The following HHIP variants were observed in gnomAD, a reference collection of about 807,000 sequenced individuals.
HHIP encodes the protein hedgehog interacting protein.
HHIP carries 12 observed loss-of-function variants against 74.0 expected under a neutral mutation model. That is an observed-to-expected ratio of 0.16 (90% CI 0.10 to 0.26). The LOEUF (loss-of-function observed/expected upper bound fraction) is 0.26. Among genes scored for constraint, HHIP ranks in the 10% least tolerant of loss-of-function variants. HHIP has a pLI of 1.00. For synonymous variants in HHIP, 309 were observed against 311.6 expected (o/e 0.99, Z 0.09); for missense variants, 788 against 845.0 (o/e 0.93, Z 0.84).
intron 4 of HHIP, among the ~76,000 whole-genome samples, chr4:144,676,741 C>A (rs2126614664): frequency 6.6e-6 from 1 of 152,130 alleles, no homozygotes; most frequent in Non-Finnish European, 1.5e-5. Context: ...GGAAAAGCAA[C>A]AAGGATATGA....
intron 1 of HHIP, chr4:144,650,719 G>A (rs1578673718): frequency 6.6e-6 from 1 of 152,056 alleles, no homozygotes; most frequent in East Asian, 1.9e-4. Context: ...GGCCGGAACA[G>A]CATGAAACTT....
chr4:144,736,910 T>G (rs754722581), intron 12 of HHIP, among the ~76,000 whole-genome samples: 9 of 152,200 alleles, frequency 5.9e-5, no homozygotes, highest in Non-Finnish European at 1.2e-4. Context: ...GGAATTTGAT[T>G]AACGCATTTG....
At chr4:144,712,093 G>T in intron 8 of HHIP, 22 bp downstream of exon 8, 1 of 1,601,250 alleles carries the variant, frequency 6.2e-7, no homozygotes, top group South Asian at 1.1e-5. Flanking sequence ...ATAATTTGCT[G>T]ATTTTGCTTT....
intron 4 of HHIP, among the ~76,000 whole-genome samples, chr4:144,676,758 CA>C (rs1729180689): frequency 6.6e-6 from 1 of 152,058 alleles, no homozygotes; most frequent in African/African-American, 2.4e-5. Context: ...ATGAGGAACT[CA>C]AATTTCATGA....
chr4:144,704,142 A>G (rs1730065139), intron 4 of HHIP, among the ~76,000 whole-genome samples: 1 of 152,176 alleles, frequency 6.6e-6, no homozygotes, highest in Non-Finnish European at 1.5e-5. Flanking sequence ...ATTCAAGAAA[A>G]TCTAGGATAT....
In HHIP at chr4:144,707,214, G is replaced by T. The variant is rs1730172597; in HGVS notation, c.1111G>T (p.Asp371Tyr). 1 of 1,613,836 alleles carries T rather than the reference G, an allele frequency of 6.2e-7. No individual in the cohort carries two copies. The highest frequency in any genetic ancestry group is 1.1e-5 in the South Asian group (1 of 91,036). ...PDGFLYIILG[D>Y]GMITLDDMEE... is the part of the protein sequence containing the mutation. ...CGGCTTTTTGTACATCATTCTTGGT[G>T]ATGGGATGATTACACTGGATGATAT... The change falls in exon 6 of 13, where the codon GAT (aspartate) becomes TAT (tyrosine). Residue 371 changes from aspartate to tyrosine, a missense_variant. Asp to Tyr is a radical substitution (Grantham distance 160, BLOSUM62 -3). This residue lies in a region of HHIP where 72 missense variants were observed against 130.6 expected (regional missense o/e 0.55). Coordinates refer to ENST00000296575, the MANE Select transcript of HHIP (RefSeq NM_022475.3).
chr4:144,668,171 G>C (rs985176724), intron 4 of HHIP, among the ~76,000 whole-genome samples: 21 of 151,972 alleles, frequency 1.4e-4, no homozygotes, highest in African/African-American at 4.8e-4. Context: ...ATAAAAACTA[G>C]CCGGGTATGG....
chr4:144,648,202 T>A (rs558901123), intron 1 of HHIP: 1 of 152,174 alleles, frequency 6.6e-6, no homozygotes, highest in Non-Finnish European at 1.5e-5. Flanking sequence ...GGTCGACTTA[T>A]CCTCCTCCCC....
intron 4 of HHIP, among the ~76,000 whole-genome samples, chr4:144,665,880 A>G (rs959592684): frequency 1.3e-5 from 2 of 152,200 alleles, no homozygotes; most frequent in Admixed American, 1.3e-4. Flanking sequence ...AGAGGTGAGG[A>G]AAGTTTTTAC....
chr4:144,661,554 A>C (rs1728714418), intron 4 of HHIP, among the ~76,000 whole-genome samples: 1 of 152,190 alleles, frequency 6.6e-6, no homozygotes, highest in Non-Finnish European at 1.5e-5. Flanking sequence ...ATAAGATCAC[A>C]TCCTTCTTAC....
chr4:144,664,170 A>G (rs1728792210), intron 4 of HHIP, among the ~76,000 whole-genome samples: 1 of 152,172 alleles, frequency 6.6e-6, no homozygotes, highest in Admixed American at 6.5e-5. Context: ...TTGGACCCTC[A>G]TTTCAAAAGA....
chr4:144,649,563 A>C (rs2126572803), intron 1 of HHIP, among the ~76,000 whole-genome samples: 1 of 152,264 alleles, frequency 6.6e-6, no homozygotes, highest in South Asian at 2.1e-4. Flanking sequence ...TCTTAGCAAT[A>C]TTTTCGCACT....
intron 10 of HHIP, among the ~76,000 whole-genome samples, chr4:144,716,432 G>C (rs533674592): frequency 2.0e-5 from 3 of 152,118 alleles, no homozygotes; most frequent in Admixed American, 6.5e-5. Context: ...AGCACTGAAA[G>C]CAATTTAAAA....
At position 144,697,694 on chromosome 4, in the gene HHIP, A is replaced by T. The variant is rs557067638; in HGVS notation, c.832-8837A>T. ...ATAAATTAAATTCCACTTGACAAAT[A>T]TAAATTTTATATAAAATAAATCATA... On this transcript the variant is annotated intron_variant, in intron 4 of 12. Coordinates refer to ENST00000296575, the MANE Select transcript of HHIP (RefSeq NM_022475.3). 1.3e-3 allele frequency among the ~76,000 whole-genome samples: 194 copies of T among 152,120 alleles called. 2 individuals are homozygous for T. Among genetic ancestry groups the T allele is most frequent in the Non-Finnish European group, 2.1e-3 (140 of 67,988 alleles).
rs869028218 is a variant in HHIP at position 144,716,854 on chromosome 4, G to GAAAAAAAAAAAAAAAAAAA, written c.1678+1440_1678+1458dup. Among the ~76,000 whole-genome samples, 15 of 54,658 alleles carry GAAAAAAAAAAAAAAAAAAA rather than the reference G, an allele frequency of 2.7e-4. 1 individual carries two copies. The highest frequency in any genetic ancestry group is 3.7e-4 in the Non-Finnish European group (11 of 29,356). The allele number at this position is 54,658 out of a possible 152,430, so 35.9% of individuals were successfully genotyped here. ...ACATGAGCAAAACTCCGTCTCAAAAGAAAAAAAAAAAAAAAAAAAAAAAAA... is the reference window on the plus strand; with the variant it reads ...ACATGAGCAAAACTCCGTCTCAAAAGAAAAAAAAAAAAAAAAAAAAAAAAAAAAAAAAAAAAAAAAAAAA... On this transcript the variant is annotated intron_variant, in intron 10 of 12. Coordinates refer to ENST00000296575, the MANE Select transcript of HHIP (RefSeq NM_022475.3).
chr4:144,668,835 CTCTT>C (rs1222773334), intron 4 of HHIP, among the ~76,000 whole-genome samples: 5 of 152,112 alleles, frequency 3.3e-5, no homozygotes, highest in African/African-American at 9.7e-5. Flanking sequence ...ACAGTAGACC[CTCTT>C]TCTATCACAC....
In HHIP at chr4:144,707,788, A is replaced by G. The variant is rs1730187899; in HGVS notation, c.1158-380A>G. On this transcript the variant is annotated intron_variant, in intron 6 of 12. Transcript: ENST00000296575. ...ATTTTATTTAATTATTCCTTTATTT[A>G]TTCAGACAAGGTCTCACTCTATTGC... Among the ~76,000 whole-genome samples, 7 of 152,064 alleles carry G rather than the reference A, an allele frequency of 4.6e-5. 1 individual carries two copies. Among genetic ancestry groups the G allele is most frequent in the Admixed American group, 4.6e-4 (7 of 15,264 alleles).
At chr4:144,706,469 T>C (rs1730147858) in intron 4 of HHIP, 62 bp from the exon 5 acceptor site, 1 of 1,357,960 alleles carries the variant, frequency 7.4e-7, no homozygotes, top group Non-Finnish European at 9.9e-7. Context: ...GGGGTTCCAG[T>C]TGAAACACAA....
At chr4:144,732,142 A>G (rs1022568521) in intron 11 of HHIP, among the ~76,000 whole-genome samples, 1 of 152,184 alleles carries the variant, frequency 6.6e-6, no homozygotes, top group African/African-American at 2.4e-5. Context: ...CCTAAAAGAG[A>G]CAGGCAATCT....
Sources: gnomAD v4.1 joint callset for allele counts (sites outside exome capture counted in the v4.1 genomes callset) on GRCh38, gnomAD v4.1.1 for gene constraint, gnomAD v4.1.1 regional missense constraint, MANE v1.5 for transcripts, NCBI Gene and HGNC (gene_info 2026-07-23, HGNC 2026-07-21) for gene names.